Variants in PARP11 observed in about 807,000 individuals in gnomAD.
The protein encoded by PARP11 is protein mono-ADP-ribosyltransferase PARP11.
Under a neutral mutation model 42.9 loss-of-function variants are expected in PARP11, and 31 were observed. The ratio of observed to expected loss-of-function variants is 0.72; its 90% CI spans 0.54 to 0.98. PARP11 has a LOEUF of 0.98. Ranked by LOEUF, PARP11 falls within the 50% of genes least tolerant of loss-of-function variation. PARP11 has a pLI of 0.00. For missense variants in PARP11, 365 were observed against 413.1 expected, an observed-to-expected ratio of 0.88 and a Z score of 1.01; for synonymous variants, 137 against 127.3, an observed-to-expected ratio of 1.08 and a Z score of -0.51.
chr12:3,825,164 C>G (rs1033509208), intron 4 of PARP11, among the ~76,000 whole-genome samples: 3 of 151,678 alleles, frequency 2.0e-5, no homozygotes, highest in Admixed American at 6.6e-5. Context: ...AATTTCAATA[C>G]TTGCTTGAAG....
At chr12:3,826,123 AC>A in intron 4 of PARP11, 34 bp downstream of exon 4, 1 of 1,309,714 alleles carries the variant, frequency 7.6e-7, no homozygotes. Context: ...GAAAAAAAAA[AC>A]CCACTCTTTC....
intron 4 of PARP11, among the ~76,000 whole-genome samples, chr12:3,825,609 G>A (rs761087123): frequency 4.6e-5 from 7 of 152,008 alleles, no homozygotes; most frequent in Non-Finnish European, 7.4e-5. Context: ...CTGTTCTAAA[G>A]AATTAAAAAA....
chr12:3,813,408 C>T (rs931713944), intron 7 of PARP11, among the ~76,000 whole-genome samples: 2 of 152,060 alleles, frequency 1.3e-5, no homozygotes, highest in Non-Finnish European at 2.9e-5. Context: ...CATGAAAACT[C>T]GATAAAGCAG....
intron 7 of PARP11, 38 bp from the exon 8 acceptor site, chr12:3,812,477 C>G (rs191200932): frequency 1.4e-6 from 2 of 1,460,554 alleles, no homozygotes; most frequent in African/African-American, 2.8e-5. Flanking sequence ...AAGATTACTC[C>G]GAAGAATATA....
intron 6 of PARP11, among the ~76,000 whole-genome samples, chr12:3,818,782 T>C (rs1309623603): frequency 6.6e-6 from 1 of 152,232 alleles, no homozygotes; most frequent in Non-Finnish European, 1.5e-5. Flanking sequence ...ATCGTACAGA[T>C]GGCACCTACT....
intron 4 of PARP11, among the ~76,000 whole-genome samples, chr12:3,825,636 G>A (rs1369194750): frequency 2.0e-5 from 3 of 152,016 alleles, no homozygotes; most frequent in African/African-American, 7.2e-5. Context: ...TATACAAGAA[G>A]GAAAAGGATA....
chr12:3,863,529 G>A (rs1948335011), intron 1 of PARP11, among the ~76,000 whole-genome samples: 1 of 152,122 alleles, frequency 6.6e-6, no homozygotes, highest in African/African-American at 2.4e-5. Flanking sequence ...CCTCAGGGTT[G>A]ATGATTTCCT....
chr12:3,822,598 C>CAA (rs36089402), intron 4 of PARP11, among the ~76,000 whole-genome samples: 8 of 93,244 alleles, frequency 8.6e-5, no homozygotes, highest in Non-Finnish European at 1.2e-4. Flanking sequence ...GACTCCGTCT[C>CAA]AAAAAAAAAA....
At chr12:3,813,087 G>A (rs1292920063) in intron 7 of PARP11, among the ~76,000 whole-genome samples, 1 of 152,144 alleles carries the variant, frequency 6.6e-6, no homozygotes, top group Non-Finnish European at 1.5e-5. Flanking sequence ...TTACAGGCGT[G>A]AGCCACCATG....
chr12:3,823,195 G>C (rs2878785), intron 4 of PARP11, among the ~76,000 whole-genome samples: 34,064 of 152,090 alleles, frequency 0.22, 4,911 homozygotes, highest in African/African-American at 0.36. Context: ...AAATCAAATA[G>C]GTGATTTAAA....
chr12:3,872,993 T>C (rs1165806474), intron 1 of PARP11, among the ~76,000 whole-genome samples: 1 of 152,130 alleles, frequency 6.6e-6, no homozygotes. Flanking sequence ...AAATAAATAA[T>C]TGTAACAAGA....
At chr12:3,868,144 A>C (rs1157079687) in intron 1 of PARP11, among the ~76,000 whole-genome samples, 1 of 152,124 alleles carries the variant, frequency 6.6e-6, no homozygotes, top group Non-Finnish European at 1.5e-5. Context: ...CAATGATAAT[A>C]AAAACATTAA....
chr12:3,853,515 A>G (rs1007508576), intron 1 of PARP11, among the ~76,000 whole-genome samples: 7 of 152,244 alleles, frequency 4.6e-5, no homozygotes, highest in Non-Finnish European at 7.3e-5. Context: ...CTTTAAACCA[A>G]CAAAGATCAA....
intron 3 of PARP11, among the ~76,000 whole-genome samples, chr12:3,826,536 C>T (rs1272839783): frequency 1.3e-5 from 2 of 152,174 alleles, no homozygotes; most frequent in Non-Finnish European, 2.9e-5. Flanking sequence ...GTTAAACAGA[C>T]ACTAAACTAG....
chr12:3,839,383 T>C lies in PARP11; in HGVS notation c.19-9365A>G. The C allele has an allele frequency of 3.9e-6, 6 of 1,546,708 alleles. No individual in the cohort carries two copies. The Admixed American group carries it at 9.6e-5, about 25-fold the overall frequency. ...CGAGGACGCGACGCCCATGGACGCC[T>C]ATCTGCGGAAACTGGGCTTGTATCG... On this transcript the variant is annotated intron_variant, in intron 1 of 7. Coordinates refer to ENST00000228820, the MANE Select transcript of PARP11 (RefSeq NM_020367.6).
chr12:3,833,532 A>C (rs924834549), intron 1 of PARP11, among the ~76,000 whole-genome samples: 2 of 152,224 alleles, frequency 1.3e-5, no homozygotes, highest in African/African-American at 4.8e-5. Flanking sequence ...TGAGCCTAGG[A>C]GTTTGAGGCT....
chr12:3,812,863 C>T (rs1451008486), intron 7 of PARP11, among the ~76,000 whole-genome samples: 1 of 152,140 alleles, frequency 6.6e-6, no homozygotes, highest in Non-Finnish European at 1.5e-5. Context: ...AGTGCAGTGG[C>T]GCGATCTCAG....
intron 1 of PARP11, chr12:3,841,786 G>T: frequency 2.5e-6 from 4 of 1,611,564 alleles, no homozygotes; most frequent in Non-Finnish European, 3.4e-6. Flanking sequence ...GGGATTCATA[G>T]AAAATCCAGT....
intron 1 of PARP11, among the ~76,000 whole-genome samples, chr12:3,846,921 CACA>C (rs1398585178): frequency 6.6e-6 from 1 of 151,728 alleles, no homozygotes; most frequent in Non-Finnish European, 1.5e-5. Flanking sequence ...TCTGTCTCTG[CACA>C]AAATTTAAAA....
Sources: gnomAD v4.1 joint callset for allele counts (sites outside exome capture counted in the v4.1 genomes callset) on GRCh38, gnomAD v4.1.1 for gene constraint, MANE v1.5 for transcripts, NCBI Gene and HGNC (gene_info 2026-07-23, HGNC 2026-07-21) for gene names.